Variants in ATP9B observed in about 807,000 individuals in gnomAD.
ATP9B encodes ATPase phospholipid transporting 9B, also known as probable phospholipid-transporting ATPase IIB.
In ATP9B, 110 loss-of-function variants were observed where a neutral mutation model predicts 146.1. That is an observed-to-expected ratio of 0.75 (90% CI 0.65 to 0.88). The LOEUF (loss-of-function observed/expected upper bound fraction) is 0.88. Ranked by LOEUF, ATP9B falls within the 40% of genes least tolerant of loss-of-function variation. The probability of loss-of-function intolerance (pLI) is 0.00; values close to 1 mark genes in which losing one functional copy is unlikely to be tolerated. For synonymous variants in ATP9B, 604 were observed against 569.7 expected (o/e 1.06, Z -0.86); for missense variants, 1,499 against 1,496.4 (o/e 1.00, Z -0.03).
intron 6 of ATP9B, chr18:79,146,031 C>T (rs2094580945): frequency 8.5e-6 from 1 of 117,194 alleles, no homozygotes; most frequent in East Asian, 3.1e-4. Context: ...AGCTGCATGT[C>T]GGGGGAGCTG....
intron 23 of ATP9B, among the ~76,000 whole-genome samples, chr18:79,347,036 C>T (rs1168597801): frequency 6.6e-6 from 1 of 152,234 alleles, no homozygotes; most frequent in Non-Finnish European, 1.5e-5. Context: ...CCCTAGGGCT[C>T]AGCTCAGATG....
chr18:79,165,558 C>T (rs994028571), intron 7 of ATP9B, among the ~76,000 whole-genome samples: 3 of 152,216 alleles, frequency 2.0e-5, no homozygotes, highest in Admixed American at 2.0e-4. Context: ...ATTAACCTTA[C>T]TTGTTCAGTT....
In ATP9B at chr18:79,377,659, T is replaced by G; in HGVS notation, c.*276T>G. ...ACCCCTGCCAGGCAAGCCCAGGGCATAGATGCTGAGACAGCCTCTCCCTCT... is the reference window on the plus strand; with the variant it reads ...ACCCCTGCCAGGCAAGCCCAGGGCAGAGATGCTGAGACAGCCTCTCCCTCT... On this transcript the variant is annotated 3_prime_UTR_variant, in exon 30 of 30. Coordinates refer to ENST00000426216, the MANE Select transcript of ATP9B (RefSeq NM_198531.5). 2.6e-6 allele frequency: 1 copy of G among 385,240 alleles called. No homozygotes were observed. Among genetic ancestry groups the G allele is most frequent in the Non-Finnish European group, 4.6e-6 (1 of 216,442 alleles). 23.9% of individuals were successfully genotyped at this position (385,240 alleles called of 1,614,324 possible). A position where few individuals can be genotyped will look rare whatever the true frequency, so the allele number is the denominator to read the frequency against.
intron 4 of ATP9B, among the ~76,000 whole-genome samples, chr18:79,122,705 A>T (rs149343484): frequency 6.6e-6 from 1 of 152,186 alleles, no homozygotes; most frequent in Non-Finnish European, 1.5e-5. Context: ...TTTTGGGGAT[A>T]TCTGCTGCTT....
intron 1 of ATP9B, among the ~76,000 whole-genome samples, chr18:79,094,052 A>G (rs1245202141): frequency 6.6e-6 from 1 of 152,176 alleles, no homozygotes; most frequent in Non-Finnish European, 1.5e-5. Flanking sequence ...AGAATGTTTT[A>G]ACAGTGCATT....
At chr18:79,296,900 A>ACAGGGATGACCCACAGAGAAGG (rs1474393471) in intron 13 of ATP9B, among the ~76,000 whole-genome samples, 1 of 152,092 alleles carries the variant, frequency 6.6e-6, no homozygotes, top group Non-Finnish European at 1.5e-5. Context: ...CACAGAGAAG[A>ACAGGGATGACCCACAGAGAAGG]CAGAGATGAC....
chr18:79,272,838 G>T (rs1259091406), intron 12 of ATP9B, among the ~76,000 whole-genome samples: 4 of 152,092 alleles, frequency 2.6e-5, no homozygotes, highest in Admixed American at 6.5e-5. Context: ...TGCTGTTCCC[G>T]AGGCTCAGAA....
chr18:79,204,540 A>G (rs965751727), intron 9 of ATP9B, among the ~76,000 whole-genome samples: 4 of 152,230 alleles, frequency 2.6e-5, no homozygotes, highest in Non-Finnish European at 5.9e-5. Flanking sequence ...TATTTTGCAT[A>G]TGAATACAGG....
chr18:79,168,117 C>G (rs2095007597), intron 7 of ATP9B, among the ~76,000 whole-genome samples: 1 of 152,186 alleles, frequency 6.6e-6, no homozygotes, highest in Admixed American at 6.5e-5. Context: ...TCTTCGCAGC[C>G]GCCACTCCAG....
At chr18:79,307,301 A>T in intron 15 of ATP9B, 67 bp downstream of exon 15, 2 of 1,598,664 alleles carry the variant, frequency 1.3e-6, no homozygotes, top group African/African-American at 2.7e-5. Flanking sequence ...ATGAGGATTC[A>T]TTCTTTCTGG....
chr18:79,300,371 G>A (rs924323374), intron 13 of ATP9B, among the ~76,000 whole-genome samples: 2 of 152,142 alleles, frequency 1.3e-5, no homozygotes, highest in African/African-American at 4.8e-5. Context: ...TGCAGTGCTT[G>A]CAAAGTGAGG....
chr18:79,372,555 G>A (rs1387823503), intron 26 of ATP9B: 1 of 609,706 alleles, frequency 1.6e-6, no homozygotes, highest in Non-Finnish European at 3.1e-6. Context: ...TCCTGGCTTA[G>A]TAGAGCCAAC....
At chr18:79,302,337 C>A (rs1042096699) in intron 13 of ATP9B, among the ~76,000 whole-genome samples, 5 of 149,600 alleles carry the variant, frequency 3.3e-5, no homozygotes, top group African/African-American at 4.9e-5. Context: ...GTGCACACAC[C>A]CCCCGGGGAC....
At chr18:79,253,632 C>T in intron 12 of ATP9B, 91 bp downstream of exon 12, 1 of 1,335,612 alleles carries the variant, frequency 7.5e-7, no homozygotes, top group Non-Finnish European at 1.0e-6. Context: ...AGAAATTACC[C>T]AAACAAAGCT....
intron 1 of ATP9B, among the ~76,000 whole-genome samples, chr18:79,081,526 T>C (rs2073259996): frequency 6.6e-6 from 1 of 151,540 alleles, no homozygotes; most frequent in Non-Finnish European, 1.5e-5. Context: ...GTCTGGCTAG[T>C]GGTCTATCTA....
At position 79,311,205 on chromosome 18, in the gene ATP9B, A is replaced by C. The variant is rs189866085; in HGVS notation, c.1773+3971A>C. ...GGCTGGACATTTCTCCATTTTGAAA[A>C]TCTAAAAGGTTACACCCCACAATTG... On this transcript the variant is annotated intron_variant, in intron 15 of 29. Transcript: ENST00000426216. Among the ~76,000 whole-genome samples the C allele has an allele frequency of 1.8e-4, 27 of 152,294 alleles. 1 individual carries two copies. Among genetic ancestry groups the C allele is most frequent in the African/African-American group, 5.8e-4 (24 of 41,572 alleles).
chr18:79,090,022 T>G (rs2074186723), intron 1 of ATP9B, among the ~76,000 whole-genome samples: 1 of 152,226 alleles, frequency 6.6e-6, no homozygotes, highest in Admixed American at 6.5e-5. Flanking sequence ...GAACATGTGA[T>G]ATTTATCTTT....
rs372604308 is a variant in ATP9B, at chr18:79,302,883, C to A, written c.1412-721C>A. On this transcript the variant is annotated intron_variant, in intron 13 of 29. Coordinates refer to ENST00000426216, the MANE Select transcript of ATP9B (RefSeq NM_198531.5). ...TAGGTTTTTTTAAAAAATTAATGGACACCCTAATTTGGGGCTTGTTGATGT... is the reference window on the plus strand; with the variant it reads ...TAGGTTTTTTTAAAAAATTAATGGAAACCCTAATTTGGGGCTTGTTGATGT... Among the ~76,000 whole-genome samples, 365 of 152,244 alleles carry A rather than the reference C, an allele frequency of 2.4e-3. 1 individual carries two copies. The highest frequency in any genetic ancestry group is 6.4e-3 in the South Asian group (31 of 4,818).
At position 79,074,553 on chromosome 18, in the gene ATP9B, C is replaced by T. The variant is rs141535294; in HGVS notation, c.119+5024C>T. Among the ~76,000 whole-genome samples, 151 of 152,346 alleles carry T rather than the reference C, an allele frequency of 9.9e-4. 1 individual carries two copies. Among genetic ancestry groups the T allele is most frequent in the Non-Finnish European group, 3.8e-4 (26 of 68,032 alleles). On this transcript the variant is annotated intron_variant, in intron 1 of 29. Coordinates refer to ENST00000426216, the MANE Select transcript of ATP9B (RefSeq NM_198531.5). ...CCTAATGAGAGAGACCAGTCTCGGGCATGAGGGGCACAGAGCCTTACTGGG... is the reference window on the plus strand; with the variant it reads ...CCTAATGAGAGAGACCAGTCTCGGGTATGAGGGGCACAGAGCCTTACTGGG...
Sources: gnomAD v4.1 joint callset for allele counts (sites outside exome capture counted in the v4.1 genomes callset) on GRCh38, gnomAD v4.1.1 for gene constraint, MANE v1.5 for transcripts, NCBI Gene and HGNC (gene_info 2026-07-23, HGNC 2026-07-21) for gene names.